Variants in RBBP5 observed in about 807,000 individuals in gnomAD.
The protein encoded by RBBP5 is RB binding protein 5, histone lysine methyltransferase complex subunit.
Under a neutral mutation model 72.2 loss-of-function variants are expected in RBBP5, and 5 were observed. The ratio of observed to expected loss-of-function variants is 0.07; its 90% CI spans 0.04 to 0.15. The LOEUF (loss-of-function observed/expected upper bound fraction) is 0.15. Among genes scored for constraint, RBBP5 ranks in the 10% least tolerant of loss-of-function variants. The pLI is 1.00. For synonymous variants in RBBP5, 209 were observed against 237.2 expected, an observed-to-expected ratio of 0.88 and a Z score of 1.09; for missense variants, 322 against 652.2, an observed-to-expected ratio of 0.49 and a Z score of 5.51.
At chr1:205,096,553 A>T in intron 12 of RBBP5, 129 bp downstream of exon 12, 1 of 786,012 alleles carries the variant, frequency 1.3e-6, no homozygotes, top group Non-Finnish European at 2.1e-6. Flanking sequence ...GTTGTAAAAC[A>T]CTATAAAACA....
rs1404282319 is a variant in RBBP5, at chr1:205,105,078, C to T, written c.309G>A (p.Arg103=). 6.2e-7 allele frequency: 1 copy of T among 1,613,958 alleles called. No individual in the cohort carries two copies. The highest frequency in any genetic ancestry group is 1.7e-5 in the Admixed American group (1 of 60,000). Residue 103 remains arginine, a synonymous_variant, in exon 4 of 14, where the codon AGG becomes AGA. Transcript: ENST00000264515. ...TTAAGATGGGTGAAGGGAATCGAAA[C>T]CTCTGGTCACAGTCGCCTGAAAGAA... ...WDVLSGDCDQ[R]FRFPSPILKV... is the part of the protein sequence containing the mutation.
chr1:205,110,863 A>G (rs905366786), intron 3 of RBBP5, among the ~76,000 whole-genome samples: 1 of 152,222 alleles, frequency 6.6e-6, no homozygotes, highest in African/African-American at 2.4e-5. Context: ...CGGGAGGTCA[A>G]GACTGGCCTG....
intron 10 of RBBP5, among the ~76,000 whole-genome samples, chr1:205,098,447 C>T (rs1244382757): frequency 6.6e-6 from 1 of 152,132 alleles, no homozygotes; most frequent in African/African-American, 2.4e-5. Context: ...GCTGCTTGAG[C>T]CCTGGTAATA....
intron 10 of RBBP5, among the ~76,000 whole-genome samples, chr1:205,097,743 C>T (rs778439594): frequency 3.9e-5 from 6 of 152,194 alleles, no homozygotes; most frequent in Admixed American, 6.5e-5. Flanking sequence ...GAAGGTTTGA[C>T]AGAACATAAC....
Position 205,107,013 on chromosome 1 carries a change from CAT to C in RBBP5, c.219-1847_219-1846del, listed in dbSNP as rs112577702. Among the ~76,000 whole-genome samples the C allele has an allele frequency of 1.1e-3, 166 of 150,788 alleles. 1 individual carries two copies. Among genetic ancestry groups the C allele is most frequent in the African/African-American group, 3.7e-3 (153 of 41,000 alleles). ...AAGATGGAATAAAAATTACCATAGA[CAT>C]ATATATATATGTGTCTGTGTGTATA... On this transcript the variant is annotated intron_variant, in intron 3 of 13. Transcript: ENST00000264515.
intron 1 of RBBP5, among the ~76,000 whole-genome samples, chr1:205,117,785 T>TC (rs1280691604): frequency 6.6e-6 from 1 of 152,120 alleles, no homozygotes; most frequent in Non-Finnish European, 1.5e-5. Context: ...AGGCTTTTTT[T>TC]CTGTATCTGT....
At chr1:205,114,730 A>G in intron 3 of RBBP5, 59 bp downstream of exon 3, 1 of 1,369,634 alleles carries the variant, frequency 7.3e-7, no homozygotes, top group African/African-American at 1.5e-5. Context: ...TGAGATTTGC[A>G]AATATATAGT....
intron 12 of RBBP5, among the ~76,000 whole-genome samples, chr1:205,095,998 G>A (rs1655599213): frequency 6.6e-6 from 1 of 152,062 alleles, no homozygotes; most frequent in African/African-American, 2.4e-5. Flanking sequence ...TTCGAGACCA[G>A]CCTGGCCAAC....
intron 5 of RBBP5, among the ~76,000 whole-genome samples, chr1:205,102,377 G>C (rs1190686674): frequency 6.6e-6 from 1 of 152,142 alleles, no homozygotes; most frequent in Non-Finnish European, 1.5e-5. Flanking sequence ...TGAAGCTTGA[G>C]GACATGAAAC....
chr1:205,093,513 T>A lies in RBBP5; in HGVS notation c.1588+1360A>T, dbSNP rs1295140882. Among the ~76,000 whole-genome samples, 44 of 9,952 alleles carry A rather than the reference T, an allele frequency of 4.4e-3. 10 individuals carry two copies. Among genetic ancestry groups the A allele is most frequent in the African/African-American group, 0.017 (36 of 2,074 alleles). The allele number at this position is 9,952 out of a possible 152,430, so 6.5% of individuals were successfully genotyped here. ...ATATATATATATATATATATATATA[T>A]ATATATATATATATATATATACACA... On this transcript the variant is annotated intron_variant, in intron 13 of 13. Coordinates refer to ENST00000264515, the MANE Select transcript of RBBP5 (RefSeq NM_005057.4).
intron 3 of RBBP5, 121 bp downstream of exon 3, chr1:205,114,668 T>C (rs1656453066): frequency 1.0e-6 from 1 of 969,274 alleles, no homozygotes; most frequent in African/African-American, 1.7e-5. Context: ...CATGATAAAC[T>C]GTATTACTAA....
chr1:205,120,092 T>C (rs1048918521), intron 1 of RBBP5, among the ~76,000 whole-genome samples: 2 of 152,200 alleles, frequency 1.3e-5, no homozygotes, highest in African/African-American at 2.4e-5. Flanking sequence ...CTCTTACTCA[T>C]CAGCACTATA....
chr1:205,100,327 T>C, intron 6 of RBBP5, 56 bp from the exon 7 acceptor site: 1 of 1,578,300 alleles, frequency 6.3e-7, no homozygotes, highest in Non-Finnish European at 8.6e-7. Context: ...TCCTTAGTAC[T>C]ACAAAACGAC....
At chr1:205,120,497 A>G (rs1164764963) in intron 1 of RBBP5, among the ~76,000 whole-genome samples, 1 of 152,130 alleles carries the variant, frequency 6.6e-6, no homozygotes, top group Non-Finnish European at 1.5e-5. Context: ...CAGCCTGTTG[A>G]TATTTTACCA....
At chr1:205,096,398 C>T (rs1382972561) in intron 12 of RBBP5, among the ~76,000 whole-genome samples, 2 of 151,964 alleles carry the variant, frequency 1.3e-5, no homozygotes, top group Non-Finnish European at 2.9e-5. Flanking sequence ...AACCACTCTA[C>T]GGGGAAACAT....
rs115046303 is a variant in RBBP5 at position 205,112,971 on chromosome 1, T to A, written c.218+1818A>T. 9.5e-3 allele frequency among the ~76,000 whole-genome samples: 1,448 copies of A among 152,066 alleles called. 19 individuals are homozygous for A. Among genetic ancestry groups the A allele is most frequent in the African/African-American group, 0.033 (1,363 of 41,470 alleles). On this transcript the variant is annotated intron_variant, in intron 3 of 13. Transcript: ENST00000264515. ...GACCCTGTCTCTATAAAAAATTTTT[T>A]AAAATTAGCCAGGCATGGTGGCGCA...
Position 205,088,332 on chromosome 1 carries a change from CCAA to C in RBBP5, c.*452_*454del. 1 of 157,890 alleles carries C rather than the reference CCAA, an allele frequency of 6.3e-6. No homozygotes were observed. The highest frequency in any genetic ancestry group is 1.4e-5 in the Non-Finnish European group (1 of 71,556). The allele number at this position is 157,890 out of a possible 1,614,324, so 9.8% of individuals were successfully genotyped here. ...GAGGAGAAGTTTAAAATGAGAGTAT[CCAA>C]CAAAAGCTTTCCTAGGATACCAGTA... On this transcript the variant is annotated 3_prime_UTR_variant, in exon 14 of 14. Transcript: ENST00000264515.
At chr1:205,100,335 G>C (rs1332542342) in intron 6 of RBBP5, 64 bp from the exon 7 acceptor site, 1 of 1,560,616 alleles carries the variant, frequency 6.4e-7, no homozygotes, top group Non-Finnish European at 8.7e-7. Flanking sequence ...ACTACAAAAC[G>C]ACTAATAAAC....
rs1037124922 is a variant in RBBP5, at chr1:205,091,491, C to T, written c.1589-2676G>A. 3 of 152,230 alleles carry T rather than the reference C, an allele frequency of 2.0e-5. No individual in the cohort carries two copies. In the East Asian group the frequency reaches 5.8e-4, roughly 29 times the overall value. 9.4% of individuals were successfully genotyped at this position (152,230 alleles called of 1,614,324 possible). On this transcript the variant is annotated intron_variant, in intron 13 of 13. Transcript: ENST00000264515. ...GTGGGCCCTCTAGTGCTAGCCAACA[C>T]TGACAAGCTGTTTGACAGGAAACAA...
Sources: allele counts gnomAD v4.1 joint callset (sites outside exome capture counted in the v4.1 genomes callset), GRCh38; gene constraint gnomAD v4.1.1; transcripts MANE v1.5; gene names NCBI Gene and HGNC (gene_info 2026-07-23, HGNC 2026-07-21).